The following EBF1 variants were observed in gnomAD, a reference collection of about 807,000 sequenced individuals.
The protein encoded by EBF1 is EBF transcription factor 1, also known as transcription factor COE1.
Under a neutral mutation model 68.4 loss-of-function variants are expected in EBF1, and 10 were observed. That is an observed-to-expected ratio of 0.15 (90% CI 0.09 to 0.25). The LOEUF (loss-of-function observed/expected upper bound fraction) is 0.25. EBF1 is among the 10% of genes least tolerant of loss of function. The pLI, the probability that EBF1 is intolerant of heterozygous loss-of-function variation, is 1.00. For synonymous variants in EBF1, 298 were observed against 299.8 expected, an observed-to-expected ratio of 0.99 and a Z score of 0.06; for missense variants, 509 against 794.4, an observed-to-expected ratio of 0.64 and a Z score of 4.32.
intron 6 of EBF1, among the ~76,000 whole-genome samples, chr5:158,940,454 G>A (rs949570489): frequency 2.0e-5 from 3 of 152,168 alleles, no homozygotes; most frequent in South Asian, 2.1e-4. Context: ...GAAGTGATTC[G>A]TCTGATGGGA....
intron 15 of EBF1, 92 bp downstream of exon 15, chr5:158,707,887 A>G (rs1758216866): frequency 7.2e-7 from 1 of 1,385,452 alleles, no homozygotes; most frequent in South Asian, 1.4e-5. Flanking sequence ...CAAGGCTGAT[A>G]CCCTCAGCAA....
chr5:158,825,492 G>GGA (rs1785876461), intron 7 of EBF1, among the ~76,000 whole-genome samples: 3 of 147,348 alleles, frequency 2.0e-5, no homozygotes, highest in African/African-American at 7.4e-5. Flanking sequence ...GTCTTAGGAG[G>GGA]AAAAAAAAAA....
At chr5:158,869,553 T>C (rs952538702) in intron 6 of EBF1, among the ~76,000 whole-genome samples, 4 of 150,844 alleles carry the variant, frequency 2.7e-5, no homozygotes, top group East Asian at 2.0e-4. Flanking sequence ...CTCTTTTTTT[T>C]CCCTAATTGG....
intron 7 of EBF1, among the ~76,000 whole-genome samples, chr5:158,832,811 G>A (rs190196314): frequency 7.2e-5 from 11 of 152,246 alleles, no homozygotes; most frequent in African/African-American, 2.6e-4. Flanking sequence ...TACTTGAAAA[G>A]GCAGGGAGTT....
intron 6 of EBF1, among the ~76,000 whole-genome samples, chr5:158,875,763 T>C (rs1379472454): frequency 6.6e-6 from 1 of 152,238 alleles, no homozygotes; most frequent in Admixed American, 6.5e-5. Flanking sequence ...TTTACAGAGA[T>C]TAGCATTCAT....
intron 6 of EBF1, among the ~76,000 whole-genome samples, chr5:158,866,796 C>T (rs1230058451): frequency 7.1e-6 from 1 of 140,610 alleles, no homozygotes; most frequent in East Asian, 2.1e-4. Flanking sequence ...AAACTATACA[C>T]TGGGGACTCC....
In EBF1 at chr5:158,845,846, G is replaced by A. The variant is rs114662325; in HGVS notation, c.555-5736C>T. 2.8e-3 allele frequency among the ~76,000 whole-genome samples: 422 copies of A among 152,226 alleles called. 1 individual carries two copies. Among genetic ancestry groups the A allele is most frequent in the African/African-American group, 9.6e-3 (398 of 41,510 alleles). ...AACTCCAGCCAGTCAGAACTGAAGG[G>A]CACACACAGTAAAACTGCCCATTAG... On this transcript the variant is annotated intron_variant, in intron 6 of 15. Transcript: ENST00000313708.
intron 8 of EBF1, among the ~76,000 whole-genome samples, chr5:158,797,310 G>A (rs1253070318): frequency 6.6e-6 from 1 of 152,112 alleles, no homozygotes; most frequent in Non-Finnish European, 1.5e-5. Context: ...AGAATTGCTG[G>A]GCATAAATGT....
At chr5:158,741,242 C>G (rs1160611034) in intron 10 of EBF1, among the ~76,000 whole-genome samples, 1 of 152,010 alleles carries the variant, frequency 6.6e-6, no homozygotes, top group East Asian at 1.9e-4. Flanking sequence ...ACAGTAAATG[C>G]TGAAAACCAG....
chr5:158,911,611 C>A (rs146548279), intron 6 of EBF1, among the ~76,000 whole-genome samples: 1 of 149,922 alleles, frequency 6.7e-6, no homozygotes, highest in African/African-American at 2.4e-5. Context: ...TTTTCTGCTA[C>A]GACAGCATAC....
chr5:159,087,403 T>C (rs1780896417), intron 4 of EBF1, among the ~76,000 whole-genome samples: 1 of 147,354 alleles, frequency 6.8e-6, no homozygotes. Context: ...TACATATATA[T>C]ACACACACAT....
chr5:158,918,324 T>C (rs1425485523), intron 6 of EBF1, among the ~76,000 whole-genome samples: 1 of 152,198 alleles, frequency 6.6e-6, no homozygotes, highest in African/African-American at 2.4e-5. Context: ...TAGCATCTCC[T>C]GGGTTGGGGA....
At chr5:158,718,990 G>GA (rs1452478192) in intron 11 of EBF1, among the ~76,000 whole-genome samples, 3 of 152,114 alleles carry the variant, frequency 2.0e-5, no homozygotes, top group African/African-American at 7.2e-5. Context: ...CACAAGTCTT[G>GA]AGAAATTCAT....
intron 6 of EBF1, among the ~76,000 whole-genome samples, chr5:158,888,554 G>C (rs1017712358): frequency 2.6e-5 from 4 of 152,010 alleles, no homozygotes; most frequent in African/African-American, 9.7e-5. Flanking sequence ...CATTTTCTAT[G>C]ACTATATCTT....
At chr5:158,729,754 G>A (rs1763698303) in intron 11 of EBF1, among the ~76,000 whole-genome samples, 1 of 152,218 alleles carries the variant, frequency 6.6e-6, no homozygotes, top group African/African-American at 2.4e-5. Context: ...GGAAATTGAA[G>A]CTTGAAACTG....
intron 9 of EBF1, among the ~76,000 whole-genome samples, chr5:158,777,992 T>C (rs1775646601): frequency 6.6e-6 from 1 of 152,132 alleles, no homozygotes; most frequent in Non-Finnish European, 1.5e-5. Context: ...AGTGCACGTA[T>C]GAAGTACCCC....
intron 6 of EBF1, among the ~76,000 whole-genome samples, chr5:158,942,721 G>A (rs62385387): frequency 0.051 from 7,715 of 151,924 alleles, 289 homozygotes; most frequent in Non-Finnish European, 0.076. Context: ...ACACTGTAAG[G>A]AGAAATGCTG....
intron 6 of EBF1, among the ~76,000 whole-genome samples, chr5:159,065,439 T>C (rs373247923): frequency 6.6e-6 from 1 of 151,994 alleles, no homozygotes; most frequent in East Asian, 1.9e-4. Context: ...AAATACCCTA[T>C]CATTTTACTT....
chr5:158,842,534 G>C (rs1178270694), intron 6 of EBF1, among the ~76,000 whole-genome samples: 1 of 152,186 alleles, frequency 6.6e-6, no homozygotes, highest in Non-Finnish European at 1.5e-5. Flanking sequence ...TCCTGACTCT[G>C]ACAGGTACTA....
Sources: allele counts gnomAD v4.1 joint callset (sites outside exome capture counted in the v4.1 genomes callset), GRCh38; gene constraint gnomAD v4.1.1; transcripts MANE v1.5; gene names NCBI Gene and HGNC (gene_info 2026-07-23, HGNC 2026-07-21).